The following DISC1 variants were observed in gnomAD, a reference collection of about 807,000 sequenced individuals.
DISC1 encodes the protein DISC1 scaffold protein, also known as disrupted in schizophrenia 1 protein.
Under a neutral mutation model 84.5 loss-of-function variants are expected in DISC1, and 57 were observed. The ratio of observed to expected loss-of-function variants is 0.67; its 90% CI spans 0.55 to 0.84. The LOEUF (loss-of-function observed/expected upper bound fraction) is 0.84. Among genes scored for constraint, DISC1 ranks in the 40% least tolerant of loss-of-function variants. The pLI is 0.00. For synonymous variants in DISC1, 411 were observed against 415.2 expected, an observed-to-expected ratio of 0.99 and a Z score of 0.12; for missense variants, 1,000 against 1,057.8, an observed-to-expected ratio of 0.95 and a Z score of 0.76.
intron 1 of DISC1, among the ~76,000 whole-genome samples, chr1:231,662,734 A>T (rs2061663068): frequency 6.6e-6 from 1 of 152,238 alleles, no homozygotes; most frequent in South Asian, 2.1e-4. Context: ...TAAATTCAAA[A>T]TAGATTGTTA....
At chr1:231,824,191 T>A (rs2081695279) in intron 9 of DISC1, among the ~76,000 whole-genome samples, 1 of 152,164 alleles carries the variant, frequency 6.6e-6, no homozygotes, top group African/African-American at 2.4e-5. Context: ...GTGCTCTTGA[T>A]AACAGAGGGC....
chr1:231,694,599 G>A lies in DISC1; in HGVS notation c.841G>A (p.Ala281Thr), dbSNP rs367543086. The change falls in exon 2 of 13, where the codon GCA (alanine) becomes ACA (threonine). Residue 281 changes from alanine (A) to threonine (T), a missense_variant. By Grantham distance (58) the Ala-to-Thr change is moderately conservative. Coordinates refer to ENST00000439617, the MANE Select transcript of DISC1 (RefSeq NM_018662.3). ...TRVSADLAQA[A>T]RNSSRPERDM... ...GGTCTCTGCAGACTTGGCCCAGGCC[G>A]CAAGGAACAGCTCCAGGCCAGAGCG... is the stretch of plus-strand genomic sequence containing the variant. The A allele has an allele frequency of 4.3e-6, 7 of 1,614,132 alleles. No homozygotes were observed. The highest frequency in any genetic ancestry group is 1.6e-4 in the Middle Eastern group (1 of 6,084).
intron 11 of DISC1, among the ~76,000 whole-genome samples, chr1:232,017,587 C>G (rs1003261493): frequency 6.7e-6 from 1 of 149,552 alleles, no homozygotes; most frequent in African/African-American, 2.5e-5. Context: ...TTGCTGATGC[C>G]TTATTACACA....
intron 10 of DISC1, among the ~76,000 whole-genome samples, chr1:231,998,805 A>T (rs954970313): frequency 1.2e-4 from 18 of 152,234 alleles, no homozygotes; most frequent in African/African-American, 4.1e-4. Context: ...GATGACATAC[A>T]GAACTTACAA....
At chr1:232,034,138 T>C (rs1204098147) in intron 12 of DISC1, among the ~76,000 whole-genome samples, 2 of 152,194 alleles carry the variant, frequency 1.3e-5, no homozygotes, top group African/African-American at 4.8e-5. Flanking sequence ...ATTTTAATTA[T>C]TATTTTGATG....
At chr1:231,939,055 G>A (rs961527696) in intron 9 of DISC1, among the ~76,000 whole-genome samples, 11 of 152,128 alleles carry the variant, frequency 7.2e-5, no homozygotes, top group African/African-American at 1.7e-4. Flanking sequence ...CCTCCTACAC[G>A]TAATCGTCCT....
At chr1:231,909,410 C>G (rs2088983006) in intron 9 of DISC1, among the ~76,000 whole-genome samples, 1 of 152,176 alleles carries the variant, frequency 6.6e-6, no homozygotes, top group Admixed American at 6.5e-5. Context: ...AAGGCCTTTT[C>G]TGCATCTATT....
intron 12 of DISC1, among the ~76,000 whole-genome samples, chr1:232,034,619 C>A (rs1670347968): frequency 6.6e-6 from 1 of 152,188 alleles, no homozygotes; most frequent in Non-Finnish European, 1.5e-5. Flanking sequence ...GGTTCAAGTT[C>A]TCTCTCTAAA....
intron 9 of DISC1, among the ~76,000 whole-genome samples, chr1:231,889,707 A>G (rs2087058326): frequency 6.6e-6 from 1 of 152,024 alleles, no homozygotes; most frequent in South Asian, 2.1e-4. Context: ...AGCTCTTCTT[A>G]CCACACATGC....
At chr1:231,731,773 C>T (rs2071544240) in intron 3 of DISC1, among the ~76,000 whole-genome samples, 1 of 152,128 alleles carries the variant, frequency 6.6e-6, no homozygotes, top group South Asian at 2.1e-4. Flanking sequence ...ATAATTTTAG[C>T]AAGTTGACTT....
At chr1:231,735,573 C>A (rs2072370841) in intron 3 of DISC1, among the ~76,000 whole-genome samples, 1 of 152,158 alleles carries the variant, frequency 6.6e-6, no homozygotes, top group African/African-American at 2.4e-5. Flanking sequence ...TCAGACAGAC[C>A]TTGGCTTTAT....
chr1:231,794,166 C>T (rs146062583), intron 6 of DISC1, among the ~76,000 whole-genome samples: 112 of 152,270 alleles, frequency 7.4e-4, no homozygotes, highest in Admixed American at 1.6e-3. Flanking sequence ...CAGAAATAGT[C>T]ATTTCCCTGT....
In DISC1 at chr1:232,031,330, G is replaced by A. The variant is rs1245244897; in HGVS notation, c.2425+4778G>A. On this transcript the variant is annotated intron_variant, in intron 12 of 12. Transcript: ENST00000439617. The surrounding 1 kb of genome is among the most constrained non-coding windows in gnomAD (Gnocchi z 4.6). ...AGAGAGGGAAGGAGAGAAAAGGAAA[G>A]GAAAAGGAAAAGAGGAAAGAAAAGG... is the stretch of plus-strand genomic sequence containing the variant. Among the ~76,000 whole-genome samples the A allele has an allele frequency of 1.3e-5, 2 of 148,258 alleles. No individual in the cohort carries two copies. Among genetic ancestry groups the A allele is most frequent in the East Asian group, 4.0e-4 (2 of 5,026 alleles).
At chr1:231,896,890 G>A (rs1006312133) in intron 9 of DISC1, among the ~76,000 whole-genome samples, 8 of 152,216 alleles carry the variant, frequency 5.3e-5, no homozygotes, top group African/African-American at 1.9e-4. Context: ...TTCCATAGAA[G>A]ATTTTTTTGA....
chr1:231,892,068 C>T (rs1285403283), intron 9 of DISC1, among the ~76,000 whole-genome samples: 1 of 152,124 alleles, frequency 6.6e-6, no homozygotes, highest in East Asian at 1.9e-4. Flanking sequence ...CCTGCCCCCC[C>T]ACCACCTTAG....
At chr1:231,979,661 CCT>C (rs1168029305) in intron 10 of DISC1, among the ~76,000 whole-genome samples, 1 of 150,084 alleles carries the variant, frequency 6.7e-6, no homozygotes, top group African/African-American at 2.4e-5. Context: ...AATAATATAT[CCT>C]CTCTATATGT....
intron 9 of DISC1, among the ~76,000 whole-genome samples, chr1:231,932,804 A>G (rs1296347831): frequency 6.6e-6 from 1 of 152,144 alleles, no homozygotes; most frequent in Non-Finnish European, 1.5e-5. Flanking sequence ...CCTGTAGTAG[A>G]TGCATTGACT....
chr1:231,679,951 G>A (rs2063524505), intron 1 of DISC1, among the ~76,000 whole-genome samples: 1 of 152,206 alleles, frequency 6.6e-6, no homozygotes, highest in African/African-American at 2.4e-5. Flanking sequence ...TACAAGGCCA[G>A]GCGCAGTGGT....
intron 1 of DISC1, among the ~76,000 whole-genome samples, chr1:231,680,406 A>G (rs912343408): frequency 2.0e-5 from 3 of 151,446 alleles, no homozygotes; most frequent in South Asian, 4.1e-4. Flanking sequence ...CATGCTCAGC[A>G]CCTGCCCCCG....
Sources: gnomAD v4.1 joint callset for allele counts (sites outside exome capture counted in the v4.1 genomes callset) on GRCh38, gnomAD v4.1.1 for gene constraint, Gnocchi (gnomAD v3.1) non-coding constraint, MANE v1.5 for transcripts, NCBI Gene and HGNC (gene_info 2026-07-23, HGNC 2026-07-21) for gene names.